The following CNTNAP5 variants were observed in gnomAD, a reference collection of about 807,000 sequenced individuals.
CNTNAP5 encodes contactin-associated protein-like 5.
A neutral mutation model predicts 150.2 loss-of-function variants in CNTNAP5; 72 were observed. The observed-to-expected ratio is 0.48, with a 90% CI of 0.40 to 0.58. The LOEUF (loss-of-function observed/expected upper bound fraction) is 0.58. Among genes scored for constraint, CNTNAP5 ranks in the 20% least tolerant of loss-of-function variants. The probability of loss-of-function intolerance (pLI) is 0.00; values close to 1 mark genes in which losing one functional copy is unlikely to be tolerated. For synonymous variants in CNTNAP5, 672 were observed against 619.8 expected, an observed-to-expected ratio of 1.08 and a Z score of -1.25; for missense variants, 1,636 against 1,626.2, an observed-to-expected ratio of 1.01 and a Z score of -0.10.
intron 3 of CNTNAP5, among the ~76,000 whole-genome samples, chr2:124,246,632 G>A (rs1687035825): frequency 6.6e-6 from 1 of 152,124 alleles, no homozygotes; most frequent in Admixed American, 6.6e-5. Flanking sequence ...CCTGTTAACA[G>A]TCCTTTTGAA....
chr2:124,783,217 T>C (rs1366792255), intron 17 of CNTNAP5, among the ~76,000 whole-genome samples: 2 of 152,194 alleles, frequency 1.3e-5, no homozygotes, highest in African/African-American at 2.4e-5. Context: ...TCAAGTCATA[T>C]ATTCCTGTGC....
intron 1 of CNTNAP5, among the ~76,000 whole-genome samples, chr2:124,144,017 A>T (rs1390556092): frequency 6.6e-6 from 1 of 151,700 alleles, no homozygotes; most frequent in East Asian, 1.9e-4. Context: ...CAGAGAGCCA[A>T]ATCATGAGTG....
intron 13 of CNTNAP5, among the ~76,000 whole-genome samples, chr2:124,660,076 A>C (rs554173505): frequency 6.7e-6 from 1 of 148,196 alleles, no homozygotes. Context: ...GGAAGGAAGG[A>C]AGGAAGGGAG....
intron 7 of CNTNAP5, among the ~76,000 whole-genome samples, chr2:124,481,118 T>A (rs1693754882): frequency 6.6e-6 from 1 of 152,158 alleles, no homozygotes; most frequent in Non-Finnish European, 1.5e-5. Context: ...CGGGTTCGGG[T>A]GAGGGCTCCC....
chr2:124,703,952 T>C (rs1679579319), intron 13 of CNTNAP5, among the ~76,000 whole-genome samples: 2 of 152,272 alleles, frequency 1.3e-5, no homozygotes, highest in East Asian at 1.9e-4. Context: ...GTTTTTAAAT[T>C]TCCATCCACA....
chr2:124,473,661 A>G (rs76089041), intron 6 of CNTNAP5, among the ~76,000 whole-genome samples: 3,331 of 152,082 alleles, frequency 0.022, 73 homozygotes, highest in African/African-American at 0.054. Flanking sequence ...AAAGATGGAG[A>G]AGTATCCAAA....
chr2:124,449,270 T>A (rs1044864060), intron 6 of CNTNAP5, among the ~76,000 whole-genome samples: 2 of 152,222 alleles, frequency 1.3e-5, no homozygotes, highest in African/African-American at 2.4e-5. Flanking sequence ...TTTGTCAACT[T>A]GTTTAATTGA....
intron 18 of CNTNAP5, among the ~76,000 whole-genome samples, chr2:124,794,575 C>T (rs1681805243): frequency 6.6e-6 from 1 of 152,152 alleles, no homozygotes; most frequent in South Asian, 2.1e-4. Flanking sequence ...GTGCTCTTTA[C>T]ATATTGCCAA....
At chr2:124,583,488 TATTAACCC>T in intron 11 of CNTNAP5, among the ~76,000 whole-genome samples, 1 of 152,204 alleles carries the variant, frequency 6.6e-6, no homozygotes, top group Non-Finnish European at 1.5e-5. Context: ...GAGACAGTAG[TATTAACCC>T]ATTGCAGTTC....
At chr2:124,251,240 T>G (rs973725551) in intron 3 of CNTNAP5, among the ~76,000 whole-genome samples, 1 of 152,072 alleles carries the variant, frequency 6.6e-6, no homozygotes, top group Admixed American at 6.6e-5. Context: ...GACTCAAGAA[T>G]TTTTCGGAAG....
intron 12 of CNTNAP5, among the ~76,000 whole-genome samples, chr2:124,644,129 C>A (rs1402464482): frequency 6.6e-6 from 1 of 152,212 alleles, no homozygotes; most frequent in Non-Finnish European, 1.5e-5. Context: ...AAAAGAGAAT[C>A]TCCACCTCCT....
At chr2:124,347,370 G>C (rs1003645921) in intron 3 of CNTNAP5, among the ~76,000 whole-genome samples, 3 of 152,066 alleles carry the variant, frequency 2.0e-5, no homozygotes, top group Non-Finnish European at 4.4e-5. Flanking sequence ...CTGAGGGGGC[G>C]GGGGCACAAG....
intron 3 of CNTNAP5, among the ~76,000 whole-genome samples, chr2:124,280,191 T>A (rs1280063046): frequency 2.0e-5 from 3 of 151,848 alleles, no homozygotes; most frequent in Non-Finnish European, 4.4e-5. Context: ...CATTTTTTTT[T>A]ATTTTTGAGA....
intron 16 of CNTNAP5, among the ~76,000 whole-genome samples, chr2:124,765,777 G>T (rs1681054777): frequency 6.6e-6 from 1 of 151,960 alleles, no homozygotes; most frequent in Admixed American, 6.6e-5. Flanking sequence ...CCAATATGGT[G>T]AAACCCCGTC....
chr2:124,086,964 CT>C (rs1216104000), intron 1 of CNTNAP5, among the ~76,000 whole-genome samples: 1 of 151,602 alleles, frequency 6.6e-6, no homozygotes, highest in Admixed American at 6.5e-5. Flanking sequence ...TTGAATACAT[CT>C]TTTTATATAG....
At chr2:124,501,301 A>C (rs1340750799) in intron 7 of CNTNAP5, among the ~76,000 whole-genome samples, 1 of 152,244 alleles carries the variant, frequency 6.6e-6, no homozygotes, top group Non-Finnish European at 1.5e-5. Flanking sequence ...TGCTTAGCAC[A>C]ATTTTATAAT....
chr2:124,071,922 A>T (rs1303693274), intron 1 of CNTNAP5, among the ~76,000 whole-genome samples: 1 of 151,970 alleles, frequency 6.6e-6, no homozygotes, highest in Non-Finnish European at 1.5e-5. Flanking sequence ...AGACAAAGAC[A>T]CATCAAAAAA....
intron 3 of CNTNAP5, among the ~76,000 whole-genome samples, chr2:124,317,564 T>C (rs1688998562): frequency 6.6e-6 from 1 of 152,116 alleles, no homozygotes; most frequent in South Asian, 2.1e-4. Context: ...TCAAACCATG[T>C]ATTCCAAATC....
At chr2:124,573,823 T>G (rs1427310156) in intron 11 of CNTNAP5, among the ~76,000 whole-genome samples, 9 of 152,198 alleles carry the variant, frequency 5.9e-5, no homozygotes. Flanking sequence ...ACAAATTATT[T>G]AACTTCTTTC....
Sources: allele counts gnomAD v4.1 joint callset (sites outside exome capture counted in the v4.1 genomes callset), GRCh38; gene constraint gnomAD v4.1.1; transcripts MANE v1.5; gene names NCBI Gene and HGNC (gene_info 2026-07-23, HGNC 2026-07-21).